The following FHIT variants were observed in gnomAD, a reference collection of about 807,000 sequenced individuals.
FHIT encodes the protein bis(5'-adenosyl)-triphosphatase.
Under a neutral mutation model 17.9 loss-of-function variants are expected in FHIT, and 19 were observed. The ratio of observed to expected loss-of-function variants is 1.06; its 90% CI spans 0.74 to 1.56. The LOEUF (loss-of-function observed/expected upper bound fraction) is 1.56. Ranked by LOEUF, FHIT falls within the 40% of genes most tolerant of loss-of-function variation. The probability of loss-of-function intolerance (pLI) is 0.00; values close to 1 mark genes in which losing one functional copy is unlikely to be tolerated. For missense variants in FHIT, 248 were observed against 189.2 expected (o/e 1.31, Z -1.82); for synonymous variants, 81 against 69.7 (o/e 1.16, Z -0.81).
intron 3 of FHIT, among the ~76,000 whole-genome samples, chr3:60,902,686 T>C (rs1381065655): frequency 6.6e-6 from 1 of 152,178 alleles, no homozygotes; most frequent in African/African-American, 2.4e-5. Context: ...TTGAGGATAA[T>C]AAAGCCAACA....
At chr3:60,643,228 T>C (rs890292780) in intron 4 of FHIT, among the ~76,000 whole-genome samples, 8 of 151,602 alleles carry the variant, frequency 5.3e-5, no homozygotes, top group Non-Finnish European at 1.0e-4. Flanking sequence ...CAACATGATT[T>C]TGTTTTCTTT....
intron 8 of FHIT, among the ~76,000 whole-genome samples, chr3:59,909,405 C>T (rs1413264763): frequency 6.6e-6 from 1 of 151,736 alleles, no homozygotes; most frequent in Non-Finnish European, 1.5e-5. Context: ...TCTCAGCTCA[C>T]TGCAACCTCC....
At chr3:59,768,447 G>A (rs1023539916) in intron 8 of FHIT, among the ~76,000 whole-genome samples, 1 of 152,156 alleles carries the variant, frequency 6.6e-6, no homozygotes, top group Non-Finnish European at 1.5e-5. Flanking sequence ...CTCCCTGCAT[G>A]GATGGCATTT....
At chr3:60,438,992 G>A (rs1223103797) in intron 5 of FHIT, among the ~76,000 whole-genome samples, 2 of 152,124 alleles carry the variant, frequency 1.3e-5, no homozygotes, top group Non-Finnish European at 2.9e-5. Flanking sequence ...AGAAAATAGA[G>A]CCATTGCTTC....
At chr3:61,172,088 T>A (rs1393596487) in intron 2 of FHIT, among the ~76,000 whole-genome samples, 2 of 152,090 alleles carry the variant, frequency 1.3e-5, no homozygotes, top group African/African-American at 4.8e-5. Flanking sequence ...AAAATCAAAG[T>A]CATGGGGAAA....
At position 61,066,570 on chromosome 3, in the gene FHIT, G is replaced by A. The variant is rs150996046; in HGVS notation, c.-163-24471C>T. Among the ~76,000 whole-genome samples, 857 of 152,306 alleles carry A rather than the reference G, an allele frequency of 5.6e-3. 10 individuals are homozygous for A. The highest frequency in any genetic ancestry group is 0.02 in the African/African-American group (818 of 41,556). On this transcript the variant is annotated intron_variant, in intron 2 of 9. Coordinates refer to ENST00000492590, the MANE Select transcript of FHIT (RefSeq NM_002012.4). ...GCAAAGGTTGCAGTGAGCAGAGATT[G>A]TGCCATTTGACTCCAGCCTGGGCAA...
intron 2 of FHIT, among the ~76,000 whole-genome samples, chr3:61,186,388 G>A (rs958426060): frequency 1.3e-5 from 2 of 152,210 alleles, no homozygotes; most frequent in African/African-American, 4.8e-5. Flanking sequence ...TGGCAAGGGT[G>A]GGCGCCTGAC....
At position 60,816,809 on chromosome 3, in the gene FHIT, C is replaced by A. The variant is rs960415949; in HGVS notation, c.-18+5110G>T. Among the ~76,000 whole-genome samples, 3 of 152,096 alleles carry A rather than the reference C, an allele frequency of 2.0e-5. No homozygotes were observed. In the South Asian group the frequency reaches 6.2e-4, roughly 32 times the overall value. On this transcript the variant is annotated intron_variant, in intron 4 of 9. Coordinates refer to ENST00000492590, the MANE Select transcript of FHIT (RefSeq NM_002012.4). ...GAATAGTTCAGTAGAATTGTACCAG[C>A]TCTTCTTTGTACATCAGGTAGAATT...
At chr3:60,943,123 C>A (rs532062995) in intron 3 of FHIT, among the ~76,000 whole-genome samples, 10 of 152,002 alleles carry the variant, frequency 6.6e-5, no homozygotes, top group African/African-American at 2.4e-4. Flanking sequence ...TCCAAGCTAA[C>A]CGGTTATGTG....
At chr3:60,593,822 C>T (rs1229525110) in intron 4 of FHIT, among the ~76,000 whole-genome samples, 1 of 152,076 alleles carries the variant, frequency 6.6e-6, no homozygotes, top group Non-Finnish European at 1.5e-5. Context: ...CATTTCTCCC[C>T]TGCCACATGC....
intron 4 of FHIT, among the ~76,000 whole-genome samples, chr3:60,605,166 C>T (rs1553670625): frequency 6.6e-6 from 1 of 152,044 alleles, no homozygotes; most frequent in African/African-American, 2.4e-5. Context: ...TGTCCATGAA[C>T]TGAAAGCTTA....
chr3:61,136,978 T>C (rs1271428758), intron 2 of FHIT, among the ~76,000 whole-genome samples: 1 of 152,246 alleles, frequency 6.6e-6, no homozygotes, highest in Non-Finnish European at 1.5e-5. Context: ...GTTAGGATTC[T>C]GCATGTATTG....
chr3:59,987,122 T>C (rs988783210), intron 7 of FHIT, among the ~76,000 whole-genome samples: 1 of 143,570 alleles, frequency 7.0e-6, no homozygotes, highest in Admixed American at 7.1e-5. Context: ...ATATTTTATA[T>C]AGATATAAAA....
chr3:61,131,238 T>C (rs1009917553), intron 2 of FHIT, among the ~76,000 whole-genome samples: 1 of 152,220 alleles, frequency 6.6e-6, no homozygotes, highest in African/African-American at 2.4e-5. Context: ...GAGTGAGTAC[T>C]CAGTACTCTA....
At chr3:60,867,373 G>GTAT (rs1355397777) in intron 3 of FHIT, among the ~76,000 whole-genome samples, 2 of 152,148 alleles carry the variant, frequency 1.3e-5, no homozygotes, top group Non-Finnish European at 2.9e-5. Flanking sequence ...ACATGCTTAA[G>GTAT]TAGACATTTA....
At chr3:60,859,971 G>C (rs747083562) in intron 3 of FHIT, among the ~76,000 whole-genome samples, 1 of 149,632 alleles carries the variant, frequency 6.7e-6, no homozygotes, top group African/African-American at 2.5e-5. Flanking sequence ...TTGAACCTGG[G>C]AGGCGGAGGT....
chr3:60,572,543 C>T (rs962205678), intron 4 of FHIT, among the ~76,000 whole-genome samples: 2 of 152,098 alleles, frequency 1.3e-5, no homozygotes, highest in South Asian at 4.1e-4. Flanking sequence ...CATGCATACA[C>T]ACACAGACAC....
At chr3:60,719,920 C>T (rs2041771992) in intron 4 of FHIT, among the ~76,000 whole-genome samples, 1 of 152,192 alleles carries the variant, frequency 6.6e-6, no homozygotes. Context: ...CCACTCAACT[C>T]ATTACAATGC....
intron 5 of FHIT, among the ~76,000 whole-genome samples, chr3:60,485,995 G>A (rs1299643663): frequency 6.6e-6 from 1 of 152,186 alleles, no homozygotes; most frequent in Admixed American, 6.5e-5. Context: ...CCTATCAATA[G>A]TCATTTGTCT....
Sources: allele counts gnomAD v4.1 joint callset (sites outside exome capture counted in the v4.1 genomes callset), GRCh38; gene constraint gnomAD v4.1.1; transcripts MANE v1.5; gene names NCBI Gene and HGNC (gene_info 2026-07-23, HGNC 2026-07-21).